Variants in CPQ observed in about 807,000 individuals in gnomAD.
CPQ encodes the protein Ser-Met dipeptidase.
In CPQ, 37 loss-of-function variants were observed where a neutral mutation model predicts 45.7. The ratio of observed to expected loss-of-function variants is 0.81; its 90% CI spans 0.62 to 1.07. CPQ has a LOEUF of 1.07. Among genes scored for constraint, CPQ ranks in the 50% least tolerant of loss-of-function variants. The pLI, the probability that CPQ is intolerant of heterozygous loss-of-function variation, is 0.00. For synonymous variants in CPQ, 186 were observed against 205.8 expected (o/e 0.90, Z 0.82); for missense variants, 537 against 572.9 (o/e 0.94, Z 0.64).
chr8:96,992,667 C>A (rs1344124043), intron 5 of CPQ, among the ~76,000 whole-genome samples: 1 of 151,978 alleles, frequency 6.6e-6, no homozygotes, highest in Admixed American at 6.6e-5. Flanking sequence ...AGTTAATGAG[C>A]AAAGAGTCTG....
chr8:97,113,491 C>T (rs1205305183), intron 7 of CPQ, among the ~76,000 whole-genome samples: 3 of 152,130 alleles, frequency 2.0e-5, no homozygotes, highest in Non-Finnish European at 2.9e-5. Context: ...GACTTAAACA[C>T]TTAACAACAA....
chr8:97,083,365 T>C (rs1810987217), intron 7 of CPQ, among the ~76,000 whole-genome samples: 1 of 152,152 alleles, frequency 6.6e-6, no homozygotes, highest in African/African-American at 2.4e-5. Flanking sequence ...GAGGCACAAG[T>C]ACTATTGGTA....
rs1476021123 is a variant in CPQ at position 96,835,168 on chromosome 8, T to C, written c.629T>C (p.Phe210Ser). 1 of 1,504,792 alleles carries C rather than the reference T, an allele frequency of 6.6e-7. No homozygotes were observed. The highest frequency in any genetic ancestry group is 2.1e-5 in the Admixed American group (1 of 47,152). The allele number at this position is 1,504,792 out of a possible 1,614,324, so 93.2% of individuals were successfully genotyped here. ...TCTCTCATTCGATCCGTGGCCTCCT[T>C]CTCCATCTACAGGTTTGTCACAATG... ...LASLIRSVAS[F>S]SIYSPHTGIQ... Residue 210 changes from phenylalanine to serine, a missense_variant, in exon 3 of 8, where the codon TTC becomes TCC. Phe to Ser is a radical substitution (Grantham distance 155, BLOSUM62 -2). Transcript: ENST00000220763.
intron 1 of CPQ, among the ~76,000 whole-genome samples, chr8:96,724,348 C>A (rs983527099): frequency 1.3e-5 from 2 of 151,956 alleles, no homozygotes; most frequent in Non-Finnish European, 2.9e-5. Context: ...AATATTTGTT[C>A]TTTCCAAAAC....
intron 5 of CPQ, among the ~76,000 whole-genome samples, chr8:97,004,378 T>C (rs928812359): frequency 6.6e-6 from 1 of 151,726 alleles, no homozygotes; most frequent in East Asian, 1.9e-4. Flanking sequence ...AATTAGTGAT[T>C]TTAAAAAAAC....
At chr8:96,995,826 CCACCATCT>C (rs1809170526) in intron 5 of CPQ, among the ~76,000 whole-genome samples, 1 of 151,952 alleles carries the variant, frequency 6.6e-6, no homozygotes, top group Non-Finnish European at 1.5e-5. Flanking sequence ...CTCCCTCTTT[CCACCATCT>C]CACACCAGTC....
intron 7 of CPQ, among the ~76,000 whole-genome samples, chr8:97,129,459 T>C (rs768315543): frequency 1.2e-4 from 18 of 152,292 alleles, no homozygotes; most frequent in Non-Finnish European, 2.2e-4. Flanking sequence ...TTTGATAAGA[T>C]AATGCCTGTA....
At chr8:96,882,553 T>A (rs1812242279) in intron 4 of CPQ, among the ~76,000 whole-genome samples, 1 of 151,984 alleles carries the variant, frequency 6.6e-6, no homozygotes, top group Non-Finnish European at 1.5e-5. Flanking sequence ...TGTGGGCAGG[T>A]GGGTGGCAGG....
chr8:96,685,889 G>T (rs1312120013), intron 1 of CPQ, among the ~76,000 whole-genome samples: 1 of 151,978 alleles, frequency 6.6e-6, no homozygotes, highest in Non-Finnish European at 1.5e-5. Flanking sequence ...TTTAATTCTT[G>T]TGGGTCCATC....
intron 2 of CPQ, among the ~76,000 whole-genome samples, chr8:96,786,866 G>T (rs1475388796): frequency 6.6e-6 from 1 of 151,974 alleles, no homozygotes; most frequent in East Asian, 1.9e-4. Flanking sequence ...TTTTTAATCG[G>T]ACTATGAGAT....
At chr8:96,667,199 C>T (rs1235303884) in intron 1 of CPQ, among the ~76,000 whole-genome samples, 1 of 152,066 alleles carries the variant, frequency 6.6e-6, no homozygotes, top group Non-Finnish European at 1.5e-5. Context: ...AGTCACTTCA[C>T]GTTCCTCCTC....
At chr8:96,656,366 G>A (rs1815637726) in intron 1 of CPQ, among the ~76,000 whole-genome samples, 1 of 152,134 alleles carries the variant, frequency 6.6e-6, no homozygotes, top group Non-Finnish European at 1.5e-5. Flanking sequence ...GCTGAGCTCT[G>A]CTATAATTTC....
chr8:96,858,263 C>A (rs1255572234), intron 3 of CPQ, among the ~76,000 whole-genome samples: 1 of 152,112 alleles, frequency 6.6e-6, no homozygotes, highest in Non-Finnish European at 1.5e-5. Context: ...GCACACTGTC[C>A]CCCAGCTCCT....
chr8:97,022,058 A>G (rs1809697618), intron 5 of CPQ, among the ~76,000 whole-genome samples: 1 of 152,212 alleles, frequency 6.6e-6, no homozygotes, highest in Non-Finnish European at 1.5e-5. Flanking sequence ...GGAACAGAAT[A>G]GAGAACCCAG....
chr8:96,818,100 C>T (rs1280683692), intron 2 of CPQ, among the ~76,000 whole-genome samples: 1 of 151,872 alleles, frequency 6.6e-6, no homozygotes, highest in South Asian at 2.1e-4. Context: ...CACTAAGAGG[C>T]CATCGTAGGT....
chr8:97,027,609 G>T (rs1809824767), intron 5 of CPQ, among the ~76,000 whole-genome samples: 1 of 152,292 alleles, frequency 6.6e-6, no homozygotes. Flanking sequence ...TACCAGATCT[G>T]TCTGCCTTTT....
chr8:96,718,771 G>T (rs1809721504), intron 1 of CPQ, among the ~76,000 whole-genome samples: 1 of 152,066 alleles, frequency 6.6e-6, no homozygotes, highest in Admixed American at 6.5e-5. Context: ...AGACACAAAG[G>T]TTCTCCATGT....
intron 7 of CPQ, among the ~76,000 whole-genome samples, chr8:97,108,546 G>C (rs1427920043): frequency 2.6e-5 from 4 of 152,152 alleles, no homozygotes; most frequent in Non-Finnish European, 5.9e-5. Flanking sequence ...TGAAACCTGT[G>C]ATATTATGTG....
intron 1 of CPQ, among the ~76,000 whole-genome samples, chr8:96,674,170 A>G (rs1210674136): frequency 6.6e-6 from 1 of 152,058 alleles, no homozygotes; most frequent in Non-Finnish European, 1.5e-5. Flanking sequence ...TACAGCTTGG[A>G]TTCTTCCCAG....
Sources: gnomAD v4.1 joint callset for allele counts (sites outside exome capture counted in the v4.1 genomes callset) on GRCh38, gnomAD v4.1.1 for gene constraint, MANE v1.5 for transcripts, NCBI Gene and HGNC (gene_info 2026-07-23, HGNC 2026-07-21) for gene names.